KIAA0319L: variants seen among roughly 807,000 people sequenced by gnomAD.
KIAA0319L encodes the protein KIAA0319 like.
In KIAA0319L, 55 loss-of-function variants were observed where a neutral mutation model predicts 120.1. That is an observed-to-expected ratio of 0.46 (90% CI 0.37 to 0.57). KIAA0319L has a LOEUF of 0.57. Ranked by LOEUF, KIAA0319L falls within the 20% of genes least tolerant of loss-of-function variation. The pLI is 0.00. For synonymous variants in KIAA0319L, 398 were observed against 471.9 expected (o/e 0.84, Z 2.03); for missense variants, 1,049 against 1,255.3 (o/e 0.84, Z 2.48).
Position 35,501,082 on chromosome 1 carries a change from C to G in KIAA0319L, c.666+5530G>C, listed in dbSNP as rs1644988058. Among the ~76,000 whole-genome samples, 3 of 152,284 alleles carry G rather than the reference C, an allele frequency of 2.0e-5. No individual in the cohort carries two copies. In the South Asian group the frequency reaches 6.2e-4, roughly 32 times the overall value. ...AAATTCAATATTCCTCCCCTCATGT[C>G]TATCCACTCTCCACATTAGACCACA... On this transcript the variant is annotated intron_variant, in intron 3 of 20. Transcript: ENST00000325722.
chr1:35,456,915 TGAAGGAAG>T (rs71062877), intron 9 of KIAA0319L, among the ~76,000 whole-genome samples: 10,026 of 109,954 alleles, frequency 0.091, 828 homozygotes, highest in East Asian at 0.41. Context: ...AAGGAAGGAA[TGAAGGAAG>T]GAAGGAAGGA....
intron 3 of KIAA0319L, among the ~76,000 whole-genome samples, chr1:35,498,148 C>T (rs535731147): frequency 7.2e-5 from 11 of 152,102 alleles, no homozygotes; most frequent in East Asian, 5.8e-4. Context: ...GCCTGGCCAA[C>T]GTGATGAAAC....
chr1:35,439,860 A>G (rs2149071285), intron 20 of KIAA0319L: 1 of 152,298 alleles, frequency 6.6e-6, no homozygotes, highest in East Asian at 1.9e-4. Context: ...AAAGAGGGAG[A>G]TCAGCAAAGA....
At chr1:35,435,102 C>T in intron 20 of KIAA0319L, 21 bp from the exon 21 acceptor site, 1 of 1,609,448 alleles carries the variant, frequency 6.2e-7, no homozygotes. Context: ...AACAAGGAAT[C>T]CAGCATCAGG....
intron 15 of KIAA0319L, 48 bp downstream of exon 15, chr1:35,449,819 T>C (rs372724588): frequency 2.0e-5 from 32 of 1,605,910 alleles, no homozygotes; most frequent in East Asian, 4.5e-5. Context: ...GAGGCCTTGA[T>C]TGGCTGATTC....
chr1:35,515,882 C>T (rs779101350), intron 2 of KIAA0319L, among the ~76,000 whole-genome samples: 50 of 151,992 alleles, frequency 3.3e-4, no homozygotes, highest in Non-Finnish European at 4.1e-4. Flanking sequence ...TACCACTGAC[C>T]GCCCAGAAAT....
At chr1:35,542,491 G>C (rs942033529) in intron 2 of KIAA0319L, among the ~76,000 whole-genome samples, 1 of 152,166 alleles carries the variant, frequency 6.6e-6, no homozygotes, top group African/African-American at 2.4e-5. Context: ...GGAGTCAAAA[G>C]TGGCTACAGG....
intron 3 of KIAA0319L, among the ~76,000 whole-genome samples, chr1:35,495,840 T>C (rs1324103552): frequency 1.3e-5 from 1 of 80,000 alleles, no homozygotes; most frequent in Non-Finnish European, 2.3e-5. Context: ...TTTTTAAAAA[T>C]GGGGAAAAAT....
rs1306317451 is a variant in KIAA0319L, at chr1:35,554,364, A to T, written c.128T>A (p.Leu43Gln). Reference protein sequence around the residue: ...LFYTCFCFSVLWLSTDASESR... With the variant: ...LFYTCFCFSVQWLSTDASESR... Reference sequence around the variant, plus strand: ...GAAAATAGTACCTGTTGACAACCACAGAACGCTGAAGCAAAAGCAAGTATA... The same window carrying T: ...GAAAATAGTACCTGTTGACAACCACTGAACGCTGAAGCAAAAGCAAGTATA... The change falls in exon 2 of 21, where the codon CTG (leucine) becomes CAG (glutamine). Residue 43 changes from leucine (L) to glutamine (Q), a missense_variant. By Grantham distance (113) the Leu-to-Gln change is moderately radical. Transcript: ENST00000325722. 6.3e-7 allele frequency: 1 copy of T among 1,598,582 alleles called. No individual in the cohort carries two copies. The highest frequency in any genetic ancestry group is 8.5e-7 in the Non-Finnish European group (1 of 1,175,114).
At position 35,507,071 on chromosome 1, in the gene KIAA0319L, TC is replaced by T. The variant is rs1558522208; in HGVS notation, c.206del (p.Gly69GlufsTer33). On this transcript the variant is annotated frameshift_variant, in exon 3 of 21. Transcript: ENST00000325722. LOFTEE classifies it high-confidence loss of function. ...TQFGVGLRSGGENHLWLLEGT... is the reference protein window; with the variant it reads ...TQFGVGLRSGXENHLWLLEGT... ...CTTCAAGAAGCCAGAGGTGATTTTCTCCCCCAGATCTCAGGCCAACTCCAAA... is the reference window on the plus strand; with the variant it reads ...CTTCAAGAAGCCAGAGGTGATTTTCTCCCCAGATCTCAGGCCAACTCCAAA... 1 of 1,567,662 alleles carries T rather than the reference TC, an allele frequency of 6.4e-7. No homozygotes were observed. Among genetic ancestry groups the T allele is most frequent in the Non-Finnish European group, 8.6e-7 (1 of 1,157,652 alleles).
At chr1:35,505,415 C>G (rs1645171997) in intron 3 of KIAA0319L, among the ~76,000 whole-genome samples, 2 of 152,190 alleles carry the variant, frequency 1.3e-5, no homozygotes, top group Non-Finnish European at 2.9e-5. Flanking sequence ...TCGGAGAAGT[C>G]TTACCTGCAC....
chr1:35,557,222 C>T lies in KIAA0319L; in HGVS notation c.-44G>A, dbSNP rs1482029449. 5.4e-6 allele frequency: 1 copy of T among 186,412 alleles called. No homozygotes were observed. The allele number at this position is 186,412 out of a possible 1,614,324, so 11.5% of individuals were successfully genotyped here. A position where few individuals can be genotyped will look rare whatever the true frequency, so the allele number is the denominator to read the frequency against. On this transcript the variant is annotated 5_prime_UTR_variant, in exon 1 of 21. It adds an upstream start codon to the 5' untranslated region. Transcript: ENST00000325722. ...GGCCACCTACCGGGGCTCAGGGCCA[C>T]ATAGCGGGGCCCCGGCTCTCGGCGG...
intron 3 of KIAA0319L, among the ~76,000 whole-genome samples, chr1:35,491,972 C>CA (rs1467217367): frequency 6.6e-6 from 1 of 152,166 alleles, no homozygotes; most frequent in Non-Finnish European, 1.5e-5. Context: ...GCCTACATAG[C>CA]AATGTATCTA....
intron 17 of KIAA0319L, among the ~76,000 whole-genome samples, chr1:35,443,851 T>C (rs1185596465): frequency 5.3e-5 from 8 of 152,234 alleles, no homozygotes; most frequent in Non-Finnish European, 1.2e-4. Context: ...TTGATACTAC[T>C]GTAGTTTGTT....
At chr1:35,457,176 C>A (rs1048086735) in intron 9 of KIAA0319L, among the ~76,000 whole-genome samples, 1 of 152,038 alleles carries the variant, frequency 6.6e-6, no homozygotes, top group South Asian at 2.1e-4. Context: ...GCTAAGTAAC[C>A]CACCCAAGGG....
chr1:35,507,657 C>T (rs533730157), intron 2 of KIAA0319L, among the ~76,000 whole-genome samples: 2 of 152,340 alleles, frequency 1.3e-5, no homozygotes, highest in East Asian at 1.9e-4. Context: ...AGACTGAGTA[C>T]TCTGAACCTC....
At chr1:35,527,983 C>A (rs750187254) in intron 2 of KIAA0319L, among the ~76,000 whole-genome samples, 14 of 151,920 alleles carry the variant, frequency 9.2e-5, no homozygotes, top group Non-Finnish European at 1.9e-4. Context: ...TGAAATCTTT[C>A]TACTTTTTTT....
rs369229217 is a variant in KIAA0319L at position 35,450,394 on chromosome 1, G to A, written c.2178C>T (p.Tyr726=). ...KSSDDKGIVS[Y]LWTRDEGSPA... is the part of the protein sequence containing the mutation. ...GGCTCCCCTCATCTCGAGTCCAGAG[G>A]TAGCTGACTATTCCCTTGTCATCTG... Residue 726 remains tyrosine (Y), a synonymous_variant, in exon 14 of 21, where the codon TAC becomes TAT. Transcript: ENST00000325722. The A allele has an allele frequency of 6.2e-7, 1 of 1,614,104 alleles. No homozygotes were observed. The highest frequency in any genetic ancestry group is 8.5e-7 in the Non-Finnish European group (1 of 1,180,000).
intron 17 of KIAA0319L, chr1:35,443,370 T>G: frequency 5.1e-6 from 1 of 197,938 alleles, no homozygotes; most frequent in Admixed American, 5.5e-5. Context: ...TTAAACGTTT[T>G]TGAAATATTT....
Sources: allele counts gnomAD v4.1 joint callset (sites outside exome capture counted in the v4.1 genomes callset), GRCh38; gene constraint gnomAD v4.1.1; transcripts MANE v1.5; gene names NCBI Gene and HGNC (gene_info 2026-07-23, HGNC 2026-07-21).